Variants in UBR3 observed in about 807,000 individuals in gnomAD.
UBR3 encodes the protein E3 ubiquitin-protein ligase UBR3.
A neutral mutation model predicts 243.2 loss-of-function variants in UBR3; 85 were observed. The observed-to-expected ratio is 0.35, with a 90% CI of 0.29 to 0.42. UBR3 has a LOEUF of 0.42. UBR3 is among the 10% of genes least tolerant of loss of function. The pLI is 1.00. For missense variants in UBR3, 1,686 were observed against 2,300.8 expected (o/e 0.73, Z 5.47); for synonymous variants, 748 against 799.8 (o/e 0.94, Z 1.09).
intron 35 of UBR3, among the ~76,000 whole-genome samples, chr2:170,072,256 G>T (rs2091713996): frequency 6.6e-6 from 1 of 152,138 alleles, no homozygotes; most frequent in African/African-American, 2.4e-5. Context: ...AAAAGGATGA[G>T]TTCATATCCT....
intron 1 of UBR3, among the ~76,000 whole-genome samples, chr2:169,842,246 G>A (rs893761337): frequency 2.0e-5 from 3 of 152,042 alleles, no homozygotes; most frequent in Non-Finnish European, 4.4e-5. Flanking sequence ...TGCTCTCGTG[G>A]GGCCTTGGAG....
chr2:169,975,626 G>A (rs574667255), intron 24 of UBR3, among the ~76,000 whole-genome samples: 3 of 152,138 alleles, frequency 2.0e-5, no homozygotes, highest in Admixed American at 2.0e-4. Context: ...GGGTGCTCTG[G>A]CATTGAGTGC....
At chr2:170,052,891 G>C (rs771826354) in intron 32 of UBR3, among the ~76,000 whole-genome samples, 6 of 152,152 alleles carry the variant, frequency 3.9e-5, no homozygotes, top group Non-Finnish European at 8.8e-5. Context: ...TGATGAATAT[G>C]TTAGTTAACT....
At chr2:169,958,133 G>A (rs1007657725) in intron 23 of UBR3, among the ~76,000 whole-genome samples, 8 of 152,148 alleles carry the variant, frequency 5.3e-5, no homozygotes, top group South Asian at 2.1e-4. Context: ...ACCTTCTGAC[G>A]TATACTTAGG....
chr2:169,845,485 T>G (rs1460724449), intron 1 of UBR3, among the ~76,000 whole-genome samples: 2 of 129,652 alleles, frequency 1.5e-5, no homozygotes, highest in Non-Finnish European at 3.3e-5. Flanking sequence ...AGTAATTCCT[T>G]TCCCTCTTCG....
chr2:170,014,469 G>T (rs967758637), intron 29 of UBR3: 1 of 151,276 alleles, frequency 6.6e-6, no homozygotes, highest in Non-Finnish European at 1.5e-5. Context: ...TACTGTTGAA[G>T]AAAAATACAA....
chr2:169,926,633 A>G (rs959496292), intron 14 of UBR3, 59 bp from the exon 15 acceptor site: 58 of 1,453,138 alleles, frequency 4.0e-5, no homozygotes, highest in Admixed American at 1.0e-4. Context: ...GAAAAACATG[A>G]TTAATAGAAG....
chr2:169,964,129 T>A (rs548938072), intron 24 of UBR3, among the ~76,000 whole-genome samples: 22 of 152,038 alleles, frequency 1.4e-4, no homozygotes, highest in African/African-American at 4.1e-4. Flanking sequence ...TTCTTAAATT[T>A]AAAAAAAATG....
intron 24 of UBR3, among the ~76,000 whole-genome samples, chr2:169,981,441 C>T (rs558887505): frequency 6.6e-6 from 1 of 152,254 alleles, no homozygotes; most frequent in South Asian, 2.1e-4. Flanking sequence ...ATGAGAAAAA[C>T]ATCAGACAAA....
chr2:169,874,468 C>G (rs1304841345), intron 2 of UBR3, among the ~76,000 whole-genome samples: 3 of 151,870 alleles, frequency 2.0e-5, no homozygotes, highest in Non-Finnish European at 4.4e-5. Flanking sequence ...TGTGCCCAGC[C>G]AAAATTCTGC....
At chr2:169,864,135 G>A (rs561291513) in intron 1 of UBR3, among the ~76,000 whole-genome samples, 5 of 151,908 alleles carry the variant, frequency 3.3e-5, no homozygotes, top group Admixed American at 2.0e-4. Context: ...AACCTTCTGC[G>A]TACAGGTTCA....
At chr2:170,004,573 G>A (rs929072627) in intron 27 of UBR3, among the ~76,000 whole-genome samples, 1 of 152,138 alleles carries the variant, frequency 6.6e-6, no homozygotes, top group African/African-American at 2.4e-5. Context: ...GGGGGCAGGG[G>A]TGGGGAAGGT....
intron 8 of UBR3, among the ~76,000 whole-genome samples, chr2:169,897,148 T>A (rs1574148710): frequency 6.6e-6 from 1 of 152,300 alleles, no homozygotes; most frequent in East Asian, 1.9e-4. Flanking sequence ...GGTATTAATA[T>A]CATGGCTATA....
chr2:169,978,920 G>A (rs2088591574), intron 24 of UBR3, among the ~76,000 whole-genome samples: 3 of 152,142 alleles, frequency 2.0e-5, no homozygotes, highest in Admixed American at 2.0e-4. Flanking sequence ...AGGCTCTGTA[G>A]CTCAGCCAGG....
chr2:169,959,139 G>T (rs2087447963), intron 24 of UBR3, among the ~76,000 whole-genome samples: 1 of 152,048 alleles, frequency 6.6e-6, no homozygotes, highest in Non-Finnish European at 1.5e-5. Flanking sequence ...ATTGTGGAAA[G>T]AAAATAAAGT....
intron 3 of UBR3, among the ~76,000 whole-genome samples, chr2:169,876,686 T>C (rs1401591971): frequency 3.3e-5 from 5 of 152,034 alleles, no homozygotes; most frequent in African/African-American, 1.2e-4. Context: ...GCCTCCCGAG[T>C]AGCTGGGATT....
In UBR3 at chr2:169,926,602, CAAAAAACAAAAAAA is replaced by C. The variant is rs2085919641; in HGVS notation, c.2152-88_2152-75del. On this transcript the variant is annotated intron_variant, in intron 14 of 38. Coordinates refer to ENST00000272793, the MANE Select transcript of UBR3 (RefSeq NM_172070.4). ...TGTCTCAAAAACAAAAAACAAAAAA[CAAAAAACAAAAAAA>C]AGTATAGAAAAACATGATTAATAGA... 4 of 1,373,700 alleles carry C rather than the reference CAAAAAACAAAAAAA, an allele frequency of 2.9e-6. No homozygotes were observed. In the South Asian group the frequency reaches 5.7e-5, roughly 20 times the overall value. 85.1% of individuals were successfully genotyped at this position (1,373,700 alleles called of 1,614,324 possible).
At chr2:170,031,299 A>G (rs149933608) in intron 31 of UBR3, among the ~76,000 whole-genome samples, 20 of 152,208 alleles carry the variant, frequency 1.3e-4, no homozygotes, top group African/African-American at 4.3e-4. Context: ...CCTTTTTGTT[A>G]TAAGTTGCAA....
At chr2:170,021,453 T>G (rs114517723) in intron 30 of UBR3, among the ~76,000 whole-genome samples, 1,769 of 152,196 alleles carry the variant, frequency 0.012, 47 homozygotes, top group African/African-American at 0.039. Flanking sequence ...TAACCTCACG[T>G]GGTGGAAGGG....
Sources: allele counts gnomAD v4.1 joint callset (sites outside exome capture counted in the v4.1 genomes callset), GRCh38; gene constraint gnomAD v4.1.1; transcripts MANE v1.5; gene names NCBI Gene and HGNC (gene_info 2026-07-23, HGNC 2026-07-21).